The following REDIC1 variants were observed in gnomAD, a reference collection of about 807,000 sequenced individuals.
REDIC1 encodes HEI10 Interacting Protein 1.
chr12:39,848,397 C>A, the REDIC1 span, among the ~76,000 whole-genome samples: 18 of 152,068 alleles, frequency 1.2e-4, no homozygotes, highest in Non-Finnish European at 2.5e-4. Flanking sequence ...AGATGACATA[C>A]GTGCAGCCAA....
At chr12:39,764,559 T>C in the REDIC1 span, 1 of 1,611,470 alleles carries the variant, frequency 6.2e-7, no homozygotes, top group Non-Finnish European at 8.5e-7. Flanking sequence ...CCTGTACTTC[T>C]TGCCCAAAGG....
chr12:39,698,672 A>G, the REDIC1 span, among the ~76,000 whole-genome samples: 2 of 152,242 alleles, frequency 1.3e-5, no homozygotes, highest in African/African-American at 4.8e-5. Context: ...GAATAAAACT[A>G]GAAATAATGA....
chr12:39,805,953 G>A, the REDIC1 span, among the ~76,000 whole-genome samples: 2 of 152,090 alleles, frequency 1.3e-5, no homozygotes, highest in Non-Finnish European at 2.9e-5. Context: ...ATTAATGGCT[G>A]GTCTATTCAT....
At chr12:39,864,420 G>C in the REDIC1 span, among the ~76,000 whole-genome samples, 6 of 152,178 alleles carry the variant, frequency 3.9e-5, no homozygotes, top group Admixed American at 3.3e-4. Context: ...TATTTACTTT[G>C]CTTGGAACAC....
chr12:39,867,465 AAAAC>A, the REDIC1 span, among the ~76,000 whole-genome samples: 3 of 152,092 alleles, frequency 2.0e-5, no homozygotes, highest in African/African-American at 7.2e-5. Context: ...GAAAAAAACA[AAAAC>A]AAAAACAAAA....
the REDIC1 span, among the ~76,000 whole-genome samples, chr12:39,677,028 A>G: frequency 3.7e-4 from 4 of 10,772 alleles, no homozygotes; most frequent in African/African-American, 6.1e-4. Context: ...TAACACAATG[A>G]AAAAAAAAAA....
chr12:39,733,950 T>C, the REDIC1 span, among the ~76,000 whole-genome samples: 4 of 152,022 alleles, frequency 2.6e-5, no homozygotes, highest in African/African-American at 7.2e-5. Context: ...TACTGGGGTA[T>C]GAAAAAAAAA....
chr12:39,673,797 TA>T, the REDIC1 span, among the ~76,000 whole-genome samples: 2 of 152,310 alleles, frequency 1.3e-5, no homozygotes, highest in Admixed American at 1.3e-4. Context: ...CTTTTATATT[TA>T]TTTACTTCTC....
At chr12:39,626,422 C>A in the REDIC1 span, 2 of 1,602,386 alleles carry the variant, frequency 1.2e-6, no homozygotes, top group Non-Finnish European at 1.7e-6. Flanking sequence ...CTTTCTAGTT[C>A]CTGGCGGAGA....
the REDIC1 span, among the ~76,000 whole-genome samples, chr12:39,863,994 G>T: frequency 2.6e-5 from 4 of 152,162 alleles, no homozygotes; most frequent in Admixed American, 6.5e-5. Flanking sequence ...GTTAAGGCTA[G>T]GTCTTATTCT....
At chr12:39,683,391 C>T in the REDIC1 span, 16 of 1,501,762 alleles carry the variant, frequency 1.1e-5, no homozygotes, top group Admixed American at 5.1e-5. Flanking sequence ...ATTTTTAACT[C>T]GGTGCATACT....
At chr12:39,667,999 A>AT in the REDIC1 span, among the ~76,000 whole-genome samples, 1 of 152,120 alleles carries the variant, frequency 6.6e-6, no homozygotes. Context: ...CAGCACACTG[A>AT]TGGGTCTTAA....
the REDIC1 span, among the ~76,000 whole-genome samples, chr12:39,653,033 G>T: frequency 6.6e-6 from 1 of 151,902 alleles, no homozygotes; most frequent in African/African-American, 2.4e-5. Flanking sequence ...TAAATTTTAG[G>T]ATCTGATGGT....
At chr12:39,650,088 C>A in the REDIC1 span, 1 of 790,764 alleles carries the variant, frequency 1.3e-6, no homozygotes, top group Non-Finnish European at 1.7e-6. The surrounding 1 kb of genome is among the most constrained non-coding windows in gnomAD (Gnocchi z 4.3). Context: ...ATTTTGTTTT[C>A]AATAAGTAGT....
chr12:39,878,756 G>C, the REDIC1 span, among the ~76,000 whole-genome samples: 1 of 152,216 alleles, frequency 6.6e-6, no homozygotes, highest in East Asian at 1.9e-4. Flanking sequence ...AGCTTTTTTG[G>C]GAGAGGAATT....
At chr12:39,732,190 C>T in the REDIC1 span, among the ~76,000 whole-genome samples, 1 of 152,196 alleles carries the variant, frequency 6.6e-6, no homozygotes, top group Non-Finnish European at 1.5e-5. Context: ...ACTGCAGATT[C>T]CCCTCCATCT....
At chr12:39,872,070 A>G in the REDIC1 span, 2 of 827,482 alleles carry the variant, frequency 2.4e-6, no homozygotes, top group Non-Finnish European at 3.4e-6. Flanking sequence ...GGAGAACTAC[A>G]GTAATAACAT....
chr12:39,685,820 T>A, the REDIC1 span, among the ~76,000 whole-genome samples: 274 of 152,262 alleles, frequency 1.8e-3, no homozygotes, highest in Non-Finnish European at 3.1e-3. Context: ...CTTCCAAGAT[T>A]CAATGGCGGT....
the REDIC1 span, chr12:39,759,521 A>G: frequency 6.5e-6 from 1 of 152,998 alleles, no homozygotes; most frequent in Admixed American, 6.6e-5. Flanking sequence ...ATGAAAGCTT[A>G]CATGGAATTT....
Sources: allele counts gnomAD v4.1 joint callset (sites outside exome capture counted in the v4.1 genomes callset), GRCh38; gene constraint gnomAD v4.1.1; non-coding constraint Gnocchi (gnomAD v3.1); transcripts MANE v1.5; gene names NCBI Gene and HGNC (gene_info 2026-07-23, HGNC 2026-07-21).